Variants in POU2AF2 observed in about 807,000 individuals in gnomAD.
POU2AF2 encodes POU class 2 homeobox associating factor 2.
chr11:111,268,336 T>G, the POU2AF2 span, among the ~76,000 whole-genome samples: 1 of 152,094 alleles, frequency 6.6e-6, no homozygotes, highest in East Asian at 1.9e-4. Context: ...TAAAAATTAT[T>G]TTTCACCTCT....
chr11:111,280,057 A>AATATATATATATAT, the POU2AF2 span, among the ~76,000 whole-genome samples: 327 of 76,422 alleles, frequency 4.3e-3, 2 homozygotes, highest in Middle Eastern at 6.7e-3. Context: ...AAAAAAAAAA[A>AATATATATATATAT]ATATATATAT....
chr11:111,268,259 T>C, the POU2AF2 span, among the ~76,000 whole-genome samples: 2 of 152,074 alleles, frequency 1.3e-5, no homozygotes, highest in South Asian at 4.2e-4. Context: ...CAGGTATGAG[T>C]GCCAAACAGT....
the POU2AF2 span, among the ~76,000 whole-genome samples, chr11:111,251,350 T>C: frequency 1.3e-5 from 2 of 152,208 alleles, no homozygotes; most frequent in Middle Eastern, 3.4e-3. Context: ...TCAACTGAGA[T>C]AGGAAAAGTT....
the POU2AF2 span, among the ~76,000 whole-genome samples, chr11:111,250,669 A>C: frequency 2.0e-5 from 3 of 152,192 alleles, no homozygotes; most frequent in Non-Finnish European, 4.4e-5. Flanking sequence ...AGTGCTACAC[A>C]GACAGAAAAA....
chr11:111,248,186 C>T, the POU2AF2 span, among the ~76,000 whole-genome samples: 2 of 152,144 alleles, frequency 1.3e-5, no homozygotes, highest in Non-Finnish European at 2.9e-5. Flanking sequence ...AACATATCAT[C>T]TCCCCAGATT....
chr11:111,285,548 A>C, the POU2AF2 span: 1 of 1,229,452 alleles, frequency 8.1e-7, no homozygotes, highest in Non-Finnish European at 1.1e-6. Flanking sequence ...CAGGCAGCAG[A>C]GAGAGGGGAC....
chr11:111,264,859 A>G, the POU2AF2 span, among the ~76,000 whole-genome samples: 1 of 145,134 alleles, frequency 6.9e-6, no homozygotes, highest in Admixed American at 6.9e-5. Flanking sequence ...GGAAAAGAAA[A>G]GAGACAGAAG....
the POU2AF2 span, among the ~76,000 whole-genome samples, chr11:111,267,503 G>A: frequency 6.6e-6 from 1 of 152,252 alleles, no homozygotes; most frequent in Non-Finnish European, 1.5e-5. Context: ...TTACTCCCCT[G>A]GCATGTCTTT....
chr11:111,254,936 T>A, the POU2AF2 span, among the ~76,000 whole-genome samples: 3 of 152,216 alleles, frequency 2.0e-5, no homozygotes, highest in African/African-American at 7.2e-5. Context: ...ACAATTATAA[T>A]AATTATAGTT....
chr11:111,268,477 T>TTTTTTTTTA, the POU2AF2 span, among the ~76,000 whole-genome samples: 1 of 77,526 alleles, frequency 1.3e-5, no homozygotes, highest in Non-Finnish European at 3.1e-5. Flanking sequence ...CATTTTTCTT[T>TTTTTTTTTA]TTTTATTTTA....
chr11:111,264,170 G>A, the POU2AF2 span, among the ~76,000 whole-genome samples: 2 of 152,052 alleles, frequency 1.3e-5, no homozygotes, highest in African/African-American at 4.8e-5. Context: ...GTTCAGAGGA[G>A]GGAAAGCAAA....
chr11:111,257,396 G>C, the POU2AF2 span, among the ~76,000 whole-genome samples: 1 of 143,434 alleles, frequency 7.0e-6, no homozygotes, highest in Non-Finnish European at 1.5e-5. Flanking sequence ...GTCTCGCACT[G>C]TTGCCCAGGC....
chr11:111,273,975 A>G, the POU2AF2 span, among the ~76,000 whole-genome samples: 1 of 152,222 alleles, frequency 6.6e-6, no homozygotes, highest in African/African-American at 2.4e-5. Flanking sequence ...GTCAAAAGTT[A>G]TGGGCTCTTC....
chr11:111,283,677 C>T, the POU2AF2 span, among the ~76,000 whole-genome samples: 1 of 152,126 alleles, frequency 6.6e-6, no homozygotes, highest in Non-Finnish European at 1.5e-5. Context: ...CCAGGAGCAC[C>T]TCTTGTTAAC....
chr11:111,264,717 G>GAGAA, the POU2AF2 span, among the ~76,000 whole-genome samples: 2 of 139,598 alleles, frequency 1.4e-5, no homozygotes, highest in Admixed American at 7.6e-5. Flanking sequence ...AGAAGAAGAA[G>GAGAA]AGAAAGAAAG....
the POU2AF2 span, among the ~76,000 whole-genome samples, chr11:111,261,650 G>A: frequency 5.3e-5 from 8 of 152,146 alleles, no homozygotes; most frequent in Admixed American, 4.6e-4. Context: ...GGGAAGTGTC[G>A]TGTAGTGTAG....
chr11:111,280,000 C>T, the POU2AF2 span, among the ~76,000 whole-genome samples: 1 of 139,990 alleles, frequency 7.1e-6, no homozygotes, highest in Admixed American at 7.6e-5. Flanking sequence ...GAGATCGTGC[C>T]ATTGCACTAT....
the POU2AF2 span, chr11:111,284,008 A>T: frequency 7.0e-7 from 1 of 1,425,830 alleles, no homozygotes; most frequent in Non-Finnish European, 9.7e-7. Flanking sequence ...GCAGAGACTC[A>T]GCTGCAACCG....
chr11:111,266,645 G>A, the POU2AF2 span, among the ~76,000 whole-genome samples: 1 of 152,148 alleles, frequency 6.6e-6, no homozygotes, highest in East Asian at 1.9e-4. Flanking sequence ...AAATAGTAAT[G>A]AATAATAACA....
Sources: allele counts gnomAD v4.1 joint callset (sites outside exome capture counted in the v4.1 genomes callset), GRCh38; gene constraint gnomAD v4.1.1; transcripts MANE v1.5; gene names NCBI Gene and HGNC (gene_info 2026-07-23, HGNC 2026-07-21).